FCRL5: variants seen among roughly 807,000 people sequenced by gnomAD.
FCRL5 encodes Fc receptor like 5.
Under a neutral mutation model 92.1 loss-of-function variants are expected in FCRL5, and 79 were observed. That is an observed-to-expected ratio of 0.86 (90% confidence interval 0.72 to 1.03). The LOEUF is 1.03. Ranked by LOEUF, FCRL5 falls within the 50% of genes least tolerant of loss-of-function variation. The pLI, the probability that FCRL5 is intolerant of heterozygous loss-of-function variation, is 0.00. For synonymous variants in FCRL5, 466 were observed against 469.3 expected (o/e 0.99, Z 0.09); for missense variants, 1,160 against 1,181.1 (o/e 0.98, Z 0.26).
chr1:157,518,656 C>G, intron 14 of FCRL5, 44 bp downstream of exon 14: 1 of 1,572,578 alleles, frequency 6.4e-7, no homozygotes, highest in South Asian at 1.1e-5. Context: ...CTTTCCCACA[C>G]CAGCCCTCCA....
intron 11 of FCRL5, 74 bp from the exon 12 acceptor site, chr1:157,520,621 C>A: frequency 8.4e-7 from 1 of 1,196,014 alleles, no homozygotes; most frequent in Non-Finnish European, 1.2e-6. Context: ...GAAGCTGCTG[C>A]CTGGGCCTGA....
At position 157,519,728 on chromosome 1, in the gene FCRL5, C is replaced by A; in HGVS notation, c.2660+15G>T. 1 of 1,613,202 alleles carries A rather than the reference C, an allele frequency of 6.2e-7. No individual in the cohort carries two copies. Among genetic ancestry groups the A allele is most frequent in the South Asian group, 1.1e-5 (1 of 91,038 alleles). ...ACATTTCACTAATCACACAGGAATG[C>A]AGCTCAGCTCTTACCTGGCGGGGTC... On this transcript the variant is annotated intron_variant, in intron 13 of 16. Coordinates refer to ENST00000361835, the MANE Select transcript of FCRL5 (RefSeq NM_031281.3).
chr1:157,524,887 G>T (rs2101605225), intron 9 of FCRL5, among the ~76,000 whole-genome samples: 1 of 152,314 alleles, frequency 6.6e-6, no homozygotes, highest in African/African-American at 2.4e-5. Context: ...GAGACTTGCT[G>T]CTTACATCAC....
rs956607793 is a variant in FCRL5, at chr1:157,520,538, G to T, written c.2525C>A (p.Ala842Glu). 1.3e-6 allele frequency: 2 copies of T among 1,584,220 alleles called. No homozygotes were observed. Among genetic ancestry groups the T allele is most frequent in the African/African-American group, 2.7e-5 (2 of 74,186 alleles). The change falls in exon 12 of 17, where the codon GCG (alanine) becomes GAG (glutamate). Residue 842 changes from alanine to glutamate, a missense_variant. By Grantham distance (107) the Ala-to-Glu change is moderately radical. Transcript: ENST00000361835. ...TVTLYITGLT[A>E]NRSGPFATGV... ...TGTGGCAAAAGGGCCACTTCTGTTCGCGGTCAGCCCTGAGGGGGAGACCCT... is the reference window on the plus strand; with the variant it reads ...TGTGGCAAAAGGGCCACTTCTGTTCTCGGTCAGCCCTGAGGGGGAGACCCT...
chr1:157,527,068 A>G (rs748910332), intron 9 of FCRL5, among the ~76,000 whole-genome samples: 1 of 152,158 alleles, frequency 6.6e-6, no homozygotes, highest in Non-Finnish European at 1.5e-5. Context: ...GCCTGTGACA[A>G]GGATGCATGG....
intron 8 of FCRL5, among the ~76,000 whole-genome samples, chr1:157,528,941 A>G (rs1650564086): frequency 6.6e-6 from 1 of 152,246 alleles, no homozygotes; most frequent in Non-Finnish European, 1.5e-5. Context: ...AAATGCAACA[A>G]AAACAATAAT....
chr1:157,551,628 C>T (rs1651814949), intron 1 of FCRL5, among the ~76,000 whole-genome samples: 1 of 152,198 alleles, frequency 6.6e-6, no homozygotes, highest in African/African-American at 2.4e-5. Flanking sequence ...ACTCTAATTG[C>T]TCAGCACCTG....
At chr1:157,534,969 C>T in intron 7 of FCRL5, 77 bp from the exon 8 acceptor site, 2 of 1,384,558 alleles carry the variant, frequency 1.4e-6, no homozygotes, top group Non-Finnish European at 9.8e-7. Context: ...AGTGCAGATG[C>T]CCAGTCTCCA....
intron 10 of FCRL5, chr1:157,521,915 T>A (rs1650216603): frequency 6.6e-6 from 1 of 152,206 alleles, no homozygotes; most frequent in Non-Finnish European, 1.5e-5. Flanking sequence ...AATATGCCAA[T>A]ATATTTCTAC....
intron 2 of FCRL5, among the ~76,000 whole-genome samples, chr1:157,547,933 CT>C (rs1651634946): frequency 6.6e-6 from 1 of 152,210 alleles, no homozygotes; most frequent in African/African-American, 2.4e-5. Context: ...CTGTGCCTTT[CT>C]TTTTTGTAAG....
In FCRL5 at chr1:157,552,473, C is replaced by T. The variant is rs1362805622; in HGVS notation, c.-111G>A. The T allele has an allele frequency of 1.0e-5, 11 of 1,103,666 alleles. No individual in the cohort carries two copies. The Admixed American group carries it at 1.7e-4, about 18-fold the overall frequency. The allele number at this position is 1,103,666 out of a possible 1,614,324, so 68.4% of individuals were successfully genotyped here. A position where few individuals can be genotyped will look rare whatever the true frequency, so the allele number is the denominator to read the frequency against. On this transcript the variant is annotated 5_prime_UTR_variant, in exon 1 of 17. It adds an upstream start codon to the 5' untranslated region. Coordinates refer to ENST00000361835, the MANE Select transcript of FCRL5 (RefSeq NM_031281.3). ...CACTGCACACCAGCTCCAAGGAGCA[C>T]ATCTGAGAAGCTGTGCTCTCAAAAA...
intron 8 of FCRL5, among the ~76,000 whole-genome samples, chr1:157,529,595 ATGTGTGTGTG>A (rs35434812): frequency 6.4e-5 from 9 of 139,788 alleles, no homozygotes; most frequent in Admixed American, 6.0e-4. Flanking sequence ...ATACATACGC[ATGTGTGTGTG>A]TGTGTGTGTG....
intron 9 of FCRL5, among the ~76,000 whole-genome samples, chr1:157,525,418 G>A (rs1558129812): frequency 6.6e-6 from 1 of 152,188 alleles, no homozygotes; most frequent in Non-Finnish European, 1.5e-5. Flanking sequence ...AGAAGATTCT[G>A]CAAACTACCA....
At chr1:157,534,404 A>G in intron 8 of FCRL5, 3 of 720,670 alleles carry the variant, frequency 4.2e-6, no homozygotes, top group East Asian at 2.7e-5. Context: ...CATTTGGTAA[A>G]AGCTGGGGAA....
At chr1:157,523,021 T>A (rs1234612287) in intron 10 of FCRL5, among the ~76,000 whole-genome samples, 1 of 152,180 alleles carries the variant, frequency 6.6e-6, no homozygotes. Context: ...ACGAGCTGAC[T>A]GAATGGGAAA....
chr1:157,529,056 A>G (rs1436783042), intron 8 of FCRL5, among the ~76,000 whole-genome samples: 1 of 152,268 alleles, frequency 6.6e-6, no homozygotes, highest in African/African-American at 2.4e-5. Flanking sequence ...TTCACAGACT[A>G]TGCATCTGAC....
At chr1:157,522,076 A>G (rs1054718732) in intron 10 of FCRL5, 6 of 152,222 alleles carry the variant, frequency 3.9e-5, no homozygotes, top group African/African-American at 7.2e-5. Flanking sequence ...GCATAACTAT[A>G]TGTGTAATAT....
At chr1:157,538,346 G>T (rs1651073329) in intron 7 of FCRL5, among the ~76,000 whole-genome samples, 1 of 152,186 alleles carries the variant, frequency 6.6e-6, no homozygotes. Flanking sequence ...TGGACTCTCT[G>T]TCTCCAGTAT....
At chr1:157,515,803 C>G (rs1381947245) in intron 16 of FCRL5, 39 bp from the exon 17 acceptor site, 1 of 1,613,422 alleles carries the variant, frequency 6.2e-7, no homozygotes, top group Non-Finnish European at 8.5e-7. Flanking sequence ...CCAGGGTGGG[C>G]CTGGGGGTGG....
Sources: gnomAD v4.1 joint callset for allele counts (sites outside exome capture counted in the v4.1 genomes callset) on GRCh38, gnomAD v4.1.1 for gene constraint, MANE v1.5 for transcripts, NCBI Gene and HGNC (gene_info 2026-07-23, HGNC 2026-07-21) for gene names.